NLGN1: variants seen among roughly 807,000 people sequenced by gnomAD.
The protein encoded by NLGN1 is neuroligin-1.
NLGN1 carries 12 observed loss-of-function variants against 65.5 expected under a neutral mutation model. That is an observed-to-expected ratio of 0.18 (90% CI 0.12 to 0.30). The LOEUF is 0.30. Ranked by LOEUF, NLGN1 falls within the 10% of genes least tolerant of loss-of-function variation. The pLI, the probability that NLGN1 is intolerant of heterozygous loss-of-function variation, is 1.00. For missense variants in NLGN1, 750 were observed against 1,007.1 expected (o/e 0.74, Z 3.46); for synonymous variants, 350 against 359.5 (o/e 0.97, Z 0.30).
chr3:173,804,303 G>A (rs888981837), intron 3 of NLGN1, among the ~76,000 whole-genome samples: 1 of 152,036 alleles, frequency 6.6e-6, no homozygotes, highest in Non-Finnish European at 1.5e-5. Context: ...TAAAATTTCT[G>A]AGTGTGTTCT....
chr3:173,498,423 T>C (rs1158252867), intron 2 of NLGN1, among the ~76,000 whole-genome samples: 1 of 151,884 alleles, frequency 6.6e-6, no homozygotes, highest in Non-Finnish European at 1.5e-5. Context: ...ATGGTGTATA[T>C]GTGCCACATT....
At chr3:173,528,706 T>C (rs73045411) in intron 2 of NLGN1, among the ~76,000 whole-genome samples, 1,560 of 152,308 alleles carry the variant, frequency 0.01, 23 homozygotes, top group African/African-American at 0.035. Flanking sequence ...AGCTCTGAAA[T>C]GATTTCTTCT....
chr3:173,664,647 A>G (rs1273657749), intron 3 of NLGN1, among the ~76,000 whole-genome samples: 10 of 152,236 alleles, frequency 6.6e-5, no homozygotes, highest in African/African-American at 2.4e-4. Flanking sequence ...TGATGCTTTC[A>G]TACATGTTCT....
chr3:173,643,604 C>T (rs1757744760), intron 3 of NLGN1, among the ~76,000 whole-genome samples: 2 of 152,224 alleles, frequency 1.3e-5, no homozygotes, highest in Non-Finnish European at 2.9e-5. Context: ...AACAGATGCT[C>T]ATTCCTCATT....
intron 4 of NLGN1, among the ~76,000 whole-genome samples, chr3:174,066,013 G>C (rs942989038): frequency 4.6e-5 from 7 of 152,142 alleles, no homozygotes; most frequent in African/African-American, 1.7e-4. Context: ...TATAATTGAA[G>C]TTTTGGGTTA....
intron 1 of NLGN1, among the ~76,000 whole-genome samples, chr3:173,401,448 A>G (rs1269106082): frequency 1.3e-5 from 2 of 151,998 alleles, no homozygotes; most frequent in East Asian, 1.9e-4. Context: ...TTTTTGCTTA[A>G]TAAGTGGTAG....
chr3:173,405,791 CTG>C (rs773818837), intron 1 of NLGN1, among the ~76,000 whole-genome samples: 5 of 152,068 alleles, frequency 3.3e-5, no homozygotes, highest in Admixed American at 6.6e-5. Context: ...TAGTAACTCT[CTG>C]TGTCATTTCT....
At chr3:173,827,256 A>G (rs1219553501) in intron 4 of NLGN1, among the ~76,000 whole-genome samples, 2 of 152,124 alleles carry the variant, frequency 1.3e-5, no homozygotes, top group African/African-American at 2.4e-5. Flanking sequence ...TTGAAGAAGT[A>G]GGGAAAATCC....
intron 4 of NLGN1, among the ~76,000 whole-genome samples, chr3:173,965,933 T>C (rs1714756804): frequency 6.6e-6 from 1 of 152,188 alleles, no homozygotes; most frequent in Non-Finnish European, 1.5e-5. Flanking sequence ...TATATACATC[T>C]GTTTGTGTGT....
intron 3 of NLGN1, among the ~76,000 whole-genome samples, chr3:173,612,043 A>G (rs1036059744): frequency 6.6e-6 from 1 of 151,962 alleles, no homozygotes; most frequent in Non-Finnish European, 1.5e-5. Context: ...ACCATTACAC[A>G]TTTTGTAGAT....
At chr3:173,898,040 A>G (rs1285889984) in intron 4 of NLGN1, among the ~76,000 whole-genome samples, 1 of 152,178 alleles carries the variant, frequency 6.6e-6, no homozygotes, top group South Asian at 2.1e-4. Context: ...GCAAAAAAAA[A>G]TCCTAATAAA....
At chr3:173,559,078 G>T (rs1051212826) in intron 2 of NLGN1, among the ~76,000 whole-genome samples, 3 of 152,006 alleles carry the variant, frequency 2.0e-5, no homozygotes, top group Admixed American at 2.0e-4. Flanking sequence ...CTACCTTTTT[G>T]ATCTTAGTTT....
At chr3:173,448,045 C>T (rs1039273454) in intron 2 of NLGN1, among the ~76,000 whole-genome samples, 1 of 152,164 alleles carries the variant, frequency 6.6e-6, no homozygotes, top group Non-Finnish European at 1.5e-5. Context: ...TAATTGAATG[C>T]CCTTTATTTC....
chr3:173,569,599 T>C (rs376665025), intron 2 of NLGN1, among the ~76,000 whole-genome samples: 2 of 142,042 alleles, frequency 1.4e-5, no homozygotes, highest in Admixed American at 7.1e-5. Flanking sequence ...TTTTTTTTTT[T>C]CTATTTATTT....
At chr3:173,960,289 T>G (rs1014505601) in intron 4 of NLGN1, among the ~76,000 whole-genome samples, 2 of 152,078 alleles carry the variant, frequency 1.3e-5, no homozygotes, top group East Asian at 3.8e-4. Context: ...TGTAGGGTTT[T>G]TTTGCTTAAC....
intron 4 of NLGN1, among the ~76,000 whole-genome samples, chr3:174,271,517 T>C (rs1266421177): frequency 6.6e-6 from 1 of 151,810 alleles, no homozygotes; most frequent in Non-Finnish European, 1.5e-5. Context: ...ACAGTAATTA[T>C]CTGTTTTTAT....
chr3:174,247,582 A>G (rs562981079), intron 4 of NLGN1, among the ~76,000 whole-genome samples: 4 of 152,300 alleles, frequency 2.6e-5, no homozygotes, highest in East Asian at 1.9e-4. Context: ...AGTCTGTCCA[A>G]TCCTTTAACT....
intron 4 of NLGN1, among the ~76,000 whole-genome samples, chr3:174,196,265 T>G (rs1733388745): frequency 6.6e-6 from 1 of 152,142 alleles, no homozygotes; most frequent in Non-Finnish European, 1.5e-5. Flanking sequence ...TGACATAAAT[T>G]TATAGTTATT....
intron 4 of NLGN1, among the ~76,000 whole-genome samples, chr3:173,840,444 A>ATT (rs1724568230): frequency 6.6e-6 from 1 of 152,184 alleles, no homozygotes; most frequent in Non-Finnish European, 1.5e-5. Flanking sequence ...GTGGAGAGTA[A>ATT]TCACTGTGAA....
Sources: gnomAD v4.1 joint callset for allele counts (sites outside exome capture counted in the v4.1 genomes callset) on GRCh38, gnomAD v4.1.1 for gene constraint, MANE v1.5 for transcripts, NCBI Gene and HGNC (gene_info 2026-07-23, HGNC 2026-07-21) for gene names.